The following JMJD1C variants were observed in gnomAD, a reference collection of about 807,000 sequenced individuals.
JMJD1C encodes the protein jumonji domain containing 1C.
In JMJD1C, 31 loss-of-function variants were observed where a neutral mutation model predicts 245.3. The observed-to-expected ratio is 0.13, with a 90% CI of 0.09 to 0.17. JMJD1C has a LOEUF of 0.17. Among genes scored for constraint, JMJD1C ranks in the 10% least tolerant of loss-of-function variants. JMJD1C has a pLI of 1.00. For synonymous variants in JMJD1C, 1,057 were observed against 1,017.4 expected, an observed-to-expected ratio of 1.04 and a Z score of -0.74; for missense variants, 2,691 against 3,000.2, an observed-to-expected ratio of 0.90 and a Z score of 2.41.
At chr10:63,403,415 T>C (rs904211408) in intron 1 of JMJD1C, among the ~76,000 whole-genome samples, 1 of 152,080 alleles carries the variant, frequency 6.6e-6, no homozygotes, top group Non-Finnish European at 1.5e-5. Context: ...GGTAATACCA[T>C]ATAAGAGCTT....
intron 2 of JMJD1C, among the ~76,000 whole-genome samples, chr10:63,265,223 T>C (rs1378675790): frequency 6.6e-6 from 1 of 152,062 alleles, no homozygotes; most frequent in African/African-American, 2.4e-5. Context: ...TTTTAAATGA[T>C]CAGGAAGTAT....
At chr10:63,460,616 T>C (rs1201526964) in intron 1 of JMJD1C, among the ~76,000 whole-genome samples, 1 of 152,212 alleles carries the variant, frequency 6.6e-6, no homozygotes, top group African/African-American at 2.4e-5. Context: ...TAAGCATTTA[T>C]GGACACCTAA....
Position 63,215,248 on chromosome 10 carries a change from A to G in JMJD1C, c.1015+15T>C. ...TATTTGTTTTCATTCCCTTAAAAAAAAAAGTGGGTCCTACCTCCTCGTGAT... is the reference window on the plus strand; with the variant it reads ...TATTTGTTTTCATTCCCTTAAAAAAGAAAGTGGGTCCTACCTCCTCGTGAT... On this transcript the variant is annotated intron_variant, in intron 7 of 25. Transcript: ENST00000399262. 6.3e-7 allele frequency: 1 copy of G among 1,583,770 alleles called. No individual in the cohort carries two copies. Among genetic ancestry groups the G allele is most frequent in the Non-Finnish European group, 8.6e-7 (1 of 1,168,236 alleles).
At chr10:63,403,730 A>G (rs1218316762) in intron 1 of JMJD1C, among the ~76,000 whole-genome samples, 1 of 152,210 alleles carries the variant, frequency 6.6e-6, no homozygotes, top group African/African-American at 2.4e-5. Context: ...CAAGGTCAGG[A>G]GTTTGAGATC....
chr10:63,413,823 A>C (rs1949631472), intron 1 of JMJD1C, among the ~76,000 whole-genome samples: 1 of 152,162 alleles, frequency 6.6e-6, no homozygotes, highest in African/African-American at 2.4e-5. Context: ...GAATTTCAAA[A>C]TTGCTAACAC....
chr10:63,353,408 GA>G (rs1055023863), intron 2 of JMJD1C, among the ~76,000 whole-genome samples: 1 of 152,172 alleles, frequency 6.6e-6, no homozygotes, highest in African/African-American at 2.4e-5. Context: ...CTACTAATGT[GA>G]AGATGCTAAC....
At chr10:63,396,722 T>C (rs951304585) in intron 1 of JMJD1C, among the ~76,000 whole-genome samples, 1 of 152,126 alleles carries the variant, frequency 6.6e-6, no homozygotes, top group African/African-American at 2.4e-5. Context: ...TATTTCTATT[T>C]TGTAGAGAAG....
At chr10:63,219,849 A>T in intron 4 of JMJD1C, 29 bp downstream of exon 4, 1 of 1,551,606 alleles carries the variant, frequency 6.4e-7, no homozygotes, top group Non-Finnish European at 8.9e-7. Flanking sequence ...GATCCAAAAA[A>T]ATTTAATGCA....
intron 1 of JMJD1C, among the ~76,000 whole-genome samples, chr10:63,386,647 G>A (rs1254385207): frequency 6.6e-6 from 1 of 152,202 alleles, no homozygotes; most frequent in Non-Finnish European, 1.5e-5. Context: ...CCACCCACAT[G>A]TGGGCACCTG....
chr10:63,426,478 C>T (rs772036968), intron 1 of JMJD1C, among the ~76,000 whole-genome samples: 5 of 152,142 alleles, frequency 3.3e-5, no homozygotes, highest in Non-Finnish European at 4.4e-5. Flanking sequence ...TGAGACTAGC[C>T]TGACCAACAT....
chr10:63,278,149 T>C (rs1414353192), intron 2 of JMJD1C, among the ~76,000 whole-genome samples: 1 of 151,978 alleles, frequency 6.6e-6, no homozygotes, highest in Non-Finnish European at 1.5e-5. Flanking sequence ...GTCAATGAAA[T>C]ACAGGCTGGA....
chr10:63,373,689 T>C (rs1410911351), intron 2 of JMJD1C, among the ~76,000 whole-genome samples: 1 of 152,186 alleles, frequency 6.6e-6, no homozygotes, highest in Admixed American at 6.5e-5. Context: ...AGACAAAGTA[T>C]TAGTTTCTAC....
intron 1 of JMJD1C, among the ~76,000 whole-genome samples, chr10:63,501,184 CT>C (rs1013594990): frequency 6.6e-6 from 1 of 152,116 alleles, no homozygotes; most frequent in African/African-American, 2.4e-5. Context: ...ATATTATCAG[CT>C]CATTTTAGTG....
chr10:63,499,752 A>G (rs1954482171), intron 1 of JMJD1C, among the ~76,000 whole-genome samples: 1 of 152,230 alleles, frequency 6.6e-6, no homozygotes, highest in Admixed American at 6.5e-5. Context: ...GGATTTATAA[A>G]TTCAAATGTC....
intron 1 of JMJD1C, among the ~76,000 whole-genome samples, chr10:63,509,419 G>C (rs935346208): frequency 2.0e-5 from 3 of 152,170 alleles, no homozygotes; most frequent in African/African-American, 7.2e-5. Context: ...TTAGGATAAT[G>C]GCAGAATGAA....
In JMJD1C at chr10:63,207,334, T is replaced by C; in HGVS notation, c.4335A>G (p.Lys1445=). The C allele has an allele frequency of 6.2e-7, 1 of 1,613,636 alleles. No homozygotes were observed. The highest frequency in any genetic ancestry group is 8.5e-7 in the Non-Finnish European group (1 of 1,179,994). The change falls in exon 10 of 26, where the codon AAA becomes AAG. Residue 1445 remains lysine (K), a synonymous_variant. Coordinates refer to ENST00000399262, the MANE Select transcript of JMJD1C (RefSeq NM_032776.3). ...CTGTGGTGCTGACCTTGCATTCTTG[T>C]TTTTGAGCCACTGGCTGACTGACAC... ...SKSVSQPVAQ[K]QECKVSTTAP... is the part of the protein sequence containing the mutation.
chr10:63,437,026 G>A (rs1044900098), intron 1 of JMJD1C, among the ~76,000 whole-genome samples: 15 of 151,948 alleles, frequency 9.9e-5, no homozygotes, highest in African/African-American at 3.4e-4. Flanking sequence ...TAAAATCCTA[G>A]GTCTATCATT....
At chr10:63,371,333 T>A (rs1053228008) in intron 2 of JMJD1C, among the ~76,000 whole-genome samples, 5 of 152,188 alleles carry the variant, frequency 3.3e-5, no homozygotes, top group African/African-American at 1.2e-4. Flanking sequence ...TAATTTTTTT[T>A]ACTTAAATTT....
chr10:63,225,672 G>T (rs1849178511), intron 3 of JMJD1C, among the ~76,000 whole-genome samples: 1 of 151,956 alleles, frequency 6.6e-6, no homozygotes, highest in Non-Finnish European at 1.5e-5. Context: ...CCAGCTACTG[G>T]GGAGGCTGAG....
Sources: allele counts gnomAD v4.1 joint callset (sites outside exome capture counted in the v4.1 genomes callset), GRCh38; gene constraint gnomAD v4.1.1; transcripts MANE v1.5; gene names NCBI Gene and HGNC (gene_info 2026-07-23, HGNC 2026-07-21).